MAPRE2: variants seen among roughly 807,000 people sequenced by gnomAD.
MAPRE2 encodes the protein microtubule associated protein RP/EB family member 2.
In MAPRE2, 13 loss-of-function variants were observed where a neutral mutation model predicts 43.2. The observed-to-expected ratio is 0.30, with a 90% CI of 0.20 to 0.48. The LOEUF (loss-of-function observed/expected upper bound fraction) is 0.48. Ranked by LOEUF, MAPRE2 falls within the 20% of genes least tolerant of loss-of-function variation. The probability of loss-of-function intolerance (pLI) is 0.99; values close to 1 mark genes in which losing one functional copy is unlikely to be tolerated. For missense variants in MAPRE2, 161 were observed against 400.2 expected (o/e 0.40, Z 5.10); for synonymous variants, 135 against 148.8 (o/e 0.91, Z 0.68).
chr18:35,051,329 A>G (rs1412709440), intron 1 of MAPRE2, among the ~76,000 whole-genome samples: 1 of 152,202 alleles, frequency 6.6e-6, no homozygotes, highest in Non-Finnish European at 1.5e-5. Context: ...AAGTCCCTTA[A>G]TGGGGCCTGG....
At chr18:35,122,354 C>T (rs958453799) in intron 4 of MAPRE2, among the ~76,000 whole-genome samples, 8 of 152,096 alleles carry the variant, frequency 5.3e-5, no homozygotes, top group African/African-American at 1.9e-4. Flanking sequence ...ACCCAAACCT[C>T]GGAAGATACT....
chr18:35,041,756 C>T, intron 1 of MAPRE2, 95 bp downstream of exon 1: 2 of 1,591,320 alleles, frequency 1.3e-6, no homozygotes, highest in Non-Finnish European at 1.7e-6. Flanking sequence ...TGCCTGCGAC[C>T]CCTGCTGCAG....
chr18:35,002,086 C>T (rs1438844670), intron 1 of MAPRE2, among the ~76,000 whole-genome samples: 2 of 152,160 alleles, frequency 1.3e-5, no homozygotes, highest in East Asian at 1.9e-4. Flanking sequence ...ACTCATTTCC[C>T]TCCAGCCCTC....
intron 1 of MAPRE2, among the ~76,000 whole-genome samples, chr18:34,983,840 G>A (rs903917245): frequency 6.6e-6 from 1 of 152,058 alleles, no homozygotes; most frequent in African/African-American, 2.4e-5. Context: ...ATGTTGGCCA[G>A]GTTGGTCTCA....
Position 35,052,548 on chromosome 18 carries a change from G to T in MAPRE2, c.122+10887G>T, listed in dbSNP as rs376969957. Among the ~76,000 whole-genome samples, 5 of 152,290 alleles carry T rather than the reference G, an allele frequency of 3.3e-5. No individual in the cohort carries two copies. In the South Asian group the frequency reaches 8.3e-4, roughly 25 times the overall value. On this transcript the variant is annotated intron_variant, in intron 1 of 6. Coordinates refer to ENST00000300249, the MANE Select transcript of MAPRE2 (RefSeq NM_014268.4). Reference sequence around the variant, plus strand: ...ATATTGTTATACAAGTCTTTGTGGAGGTGTTTTCATTTCTCTGGGGAAAAT... The same window carrying T: ...ATATTGTTATACAAGTCTTTGTGGATGTGTTTTCATTTCTCTGGGGAAAAT...
chr18:35,006,504 C>T (rs1329553487), intron 2 of MAPRE2, among the ~76,000 whole-genome samples: 1 of 152,166 alleles, frequency 6.6e-6, no homozygotes, highest in African/African-American at 2.4e-5. Flanking sequence ...TTTGGGGCCT[C>T]ATTGTAATAA....
intron 6 of MAPRE2, among the ~76,000 whole-genome samples, chr18:35,132,601 C>G (rs1390113668): frequency 1.3e-5 from 2 of 152,178 alleles, no homozygotes; most frequent in Admixed American, 1.3e-4. Flanking sequence ...CCATAATTGA[C>G]TGTTTTTATT....
At chr18:35,013,160 A>G (rs1312585631) in intron 2 of MAPRE2, among the ~76,000 whole-genome samples, 1 of 152,190 alleles carries the variant, frequency 6.6e-6, no homozygotes, top group East Asian at 1.9e-4. Flanking sequence ...AATGGGAGCC[A>G]GATGCAAGAA....
At chr18:35,055,910 A>C (rs1906204524) in intron 1 of MAPRE2, among the ~76,000 whole-genome samples, 1 of 151,680 alleles carries the variant, frequency 6.6e-6, no homozygotes, top group South Asian at 2.1e-4. Context: ...AGCCGAGATC[A>C]TGCAACTGCA....
rs528653368 is a variant in MAPRE2, at chr18:35,130,053, A to G, written c.751-1979A>G. On this transcript the variant is annotated intron_variant, in intron 5 of 6. Transcript: ENST00000300249. ...TTTGCACTAAAGGGTTGTCTGGAAA[A>G]GCCTCAGCTATGTGTTCATTGTGCA... 7.2e-5 allele frequency among the ~76,000 whole-genome samples: 11 copies of G among 152,208 alleles called. 1 individual carries two copies. The South Asian group carries it at 2.3e-3, about 32-fold the overall frequency.
intron 4 of MAPRE2, among the ~76,000 whole-genome samples, chr18:35,104,352 A>G (rs946220087): frequency 6.6e-6 from 1 of 152,194 alleles, no homozygotes; most frequent in African/African-American, 2.4e-5. Context: ...TCAGAAAAAA[A>G]TGGAGGAAAA....
intron 2 of MAPRE2, among the ~76,000 whole-genome samples, chr18:35,082,873 G>A (rs895315055): frequency 6.6e-6 from 1 of 152,042 alleles, no homozygotes; most frequent in African/African-American, 2.4e-5. Context: ...TAATATTTAT[G>A]TATCTAGGCC....
intron 4 of MAPRE2, among the ~76,000 whole-genome samples, chr18:35,105,475 G>C (rs1045285679): frequency 6.6e-6 from 1 of 151,964 alleles, no homozygotes; most frequent in Admixed American, 6.6e-5. Flanking sequence ...TAGGAGAAAG[G>C]CTCCTATAAA....
intron 1 of MAPRE2, among the ~76,000 whole-genome samples, chr18:35,051,509 A>G (rs777491862): frequency 6.6e-6 from 1 of 152,220 alleles, no homozygotes; most frequent in African/African-American, 2.4e-5. Context: ...TCCAGCCTGT[A>G]TGATAAGTGT....
rs544269244 is a variant in MAPRE2, at chr18:34,990,698, A to C, written c.-70+13619A>C. ...AATTTTAGACAGTCAAAAGCACAGT[A>C]CTTCTACACTGATGTTTCTAAGTTA... is the stretch of plus-strand genomic sequence containing the variant. On this transcript the variant is annotated intron_variant, in intron 1 of 7. Coordinates refer to the MAPRE2 transcript ENST00000413393. Among the ~76,000 whole-genome samples the C allele has an allele frequency of 3.9e-4, 59 of 152,238 alleles. No individual in the cohort carries two copies. The South Asian group carries it at 0.011, about 29-fold the overall frequency.
In MAPRE2 at chr18:35,005,553, G is replaced by A. The variant is rs770603535; in HGVS notation, c.-8G>A. 295 of 1,537,256 alleles carry A rather than the reference G, an allele frequency of 1.9e-4. No homozygotes were observed. The highest frequency in any genetic ancestry group is 5.5e-5 in the Non-Finnish European group (63 of 1,137,240). On this transcript the variant is annotated splice_region_variant and 5_prime_UTR_variant, in exon 2 of 8. Coordinates refer to the MAPRE2 transcript ENST00000413393. ...CCAGGGAGAAAGCCTGGATGCTCAA[G>A]GTAAGGTTTATATAAATTACGTTGC...
Position 34,990,984 on chromosome 18 carries a change from G to C in MAPRE2, c.-70+13905G>C, listed in dbSNP as rs74414617. On this transcript the variant is annotated intron_variant, in intron 1 of 7. Coordinates refer to the MAPRE2 transcript ENST00000413393. ...GAACTTGGGGACAGATAATCTGATG[G>C]GGGGAGGATCAGCTCCTGAGCCTCT... 4.2e-3 allele frequency among the ~76,000 whole-genome samples: 634 copies of C among 152,240 alleles called. 6 individuals carry two copies. Among genetic ancestry groups the C allele is most frequent in the African/African-American group, 0.014 (577 of 41,556 alleles).
chr18:34,980,152 A>G (rs2097015439), intron 1 of MAPRE2, among the ~76,000 whole-genome samples: 1 of 148,854 alleles, frequency 6.7e-6, no homozygotes, highest in African/African-American at 2.5e-5. Flanking sequence ...CAGCCTCCTG[A>G]GTAGCTGGGA....
intron 4 of MAPRE2, among the ~76,000 whole-genome samples, chr18:35,114,806 A>G (rs1202936427): frequency 6.6e-6 from 1 of 152,144 alleles, no homozygotes; most frequent in African/African-American, 2.4e-5. Context: ...TGTTCCTGAT[A>G]TGTGTTGAAA....
Sources: gnomAD v4.1 joint callset for allele counts (sites outside exome capture counted in the v4.1 genomes callset) on GRCh38, gnomAD v4.1.1 for gene constraint, MANE v1.5 for transcripts, NCBI Gene and HGNC (gene_info 2026-07-23, HGNC 2026-07-21) for gene names.